Variants in ACSBG1 observed in about 807,000 individuals in gnomAD.
ACSBG1 encodes long-chain-fatty-acid--CoA ligase ACSBG1.
ACSBG1 carries 39 observed loss-of-function variants against 80.2 expected under a neutral mutation model. The observed-to-expected ratio is 0.49, with a 90% CI of 0.38 to 0.64. ACSBG1 has a LOEUF of 0.64. ACSBG1 is among the 30% of genes least tolerant of loss of function. The pLI is 0.00. For missense variants in ACSBG1, 828 were observed against 966.4 expected (o/e 0.86, Z 1.90); for synonymous variants, 392 against 379.5 (o/e 1.03, Z -0.38).
intron 5 of ACSBG1, among the ~76,000 whole-genome samples, chr15:78,186,689 T>G (rs1567083618): frequency 6.6e-6 from 1 of 151,304 alleles, no homozygotes; most frequent in Non-Finnish European, 1.5e-5. Context: ...TAGAGGGAAA[T>G]TTATAGCACT....
intron 1 of ACSBG1, chr15:78,209,267 G>T (rs1371864071): frequency 4.4e-6 from 2 of 456,076 alleles, no homozygotes; most frequent in South Asian, 3.1e-5. Context: ...AGGTTTTAAA[G>T]CGAAAGATAT....
At chr15:78,211,857 G>A (rs912043882) in intron 1 of ACSBG1, among the ~76,000 whole-genome samples, 3 of 152,148 alleles carry the variant, frequency 2.0e-5, no homozygotes, top group Admixed American at 2.0e-4. Context: ...TCTCACCCCT[G>A]TGGCCCTTGG....
chr15:78,173,125 C>T (rs1250445153), intron 13 of ACSBG1, among the ~76,000 whole-genome samples: 2 of 152,076 alleles, frequency 1.3e-5, no homozygotes, highest in African/African-American at 4.8e-5. Flanking sequence ...GCGGGCGGAT[C>T]ACCTGAGGTC....
chr15:78,174,264 G>A (rs1361946567), intron 12 of ACSBG1, 121 bp downstream of exon 12: 16 of 1,391,610 alleles, frequency 1.1e-5, no homozygotes, highest in Non-Finnish European at 1.5e-5. Context: ...ACGGACTTGA[G>A]TCATTCCAGA....
chr15:78,223,183 T>C (rs1336175860), intron 1 of ACSBG1, among the ~76,000 whole-genome samples: 1 of 151,462 alleles, frequency 6.6e-6, no homozygotes, highest in Non-Finnish European at 1.5e-5. Flanking sequence ...AGTCTGGCTA[T>C]CTTGAACGCG....
chr15:78,171,536 G>A lies in ACSBG1; in HGVS notation c.2090-7C>T. 1 of 1,613,406 alleles carries A rather than the reference G, an allele frequency of 6.2e-7. No homozygotes were observed. Among genetic ancestry groups the A allele is most frequent in the Non-Finnish European group, 8.5e-7 (1 of 1,179,364 alleles). ...TTCAGTTTCATCGTGGGACCTAAAA[G>A]GGAAATGAGAAGAAATGAGTGAGGC... is the stretch of plus-strand genomic sequence containing the variant. On this transcript the variant is annotated splice_region_variant and splice_polypyrimidine_tract_variant and intron_variant, in intron 13 of 13. Transcript: ENST00000258873.
rs201578767 is a variant in ACSBG1, at chr15:78,182,438, C to T, written c.894+28G>A. ...ATCCACCCATAACCCCCTTGCACCC[C>T]CCCCACCCCACCGGGCATCTGTCCT... On this transcript the variant is annotated intron_variant, in intron 7 of 13. Transcript: ENST00000258873. The T allele has an allele frequency of 3.9e-5, 63 of 1,612,006 alleles. No individual in the cohort carries two copies. In the East Asian group the frequency reaches 4.7e-4, roughly 12 times the overall value.
chr15:78,201,015 A>C (rs2075162706), intron 2 of ACSBG1, among the ~76,000 whole-genome samples: 1 of 150,780 alleles, frequency 6.6e-6, no homozygotes. Context: ...CTGTGCTGCG[A>C]CTCTGCCTGC....
intron 1 of ACSBG1, among the ~76,000 whole-genome samples, chr15:78,216,920 A>G (rs1362430858): frequency 6.6e-6 from 1 of 152,268 alleles, no homozygotes; most frequent in African/African-American, 2.4e-5. Context: ...GCCGTACCCA[A>G]GACAAAGTTC....
chr15:78,171,376 C>G lies in ACSBG1; in HGVS notation c.*68G>C. 1 of 1,373,510 alleles carries G rather than the reference C, an allele frequency of 7.3e-7. No homozygotes were observed. Among genetic ancestry groups the G allele is most frequent in the Non-Finnish European group, 1.0e-6 (1 of 971,376 alleles). The allele number at this position is 1,373,510 out of a possible 1,614,324, so 85.1% of individuals were successfully genotyped here. A position where few individuals can be genotyped will look rare whatever the true frequency, so the allele number is the denominator to read the frequency against. On this transcript the variant is annotated 3_prime_UTR_variant, in exon 14 of 14. Transcript: ENST00000258873. ...ATGCCTGTGCCCAGACTGAAGAGAC[C>G]TGGGGCTCAGGAAGAGGCTCGGAAC...
At chr15:78,226,603 T>A in intron 1 of ACSBG1, 1 of 198,524 alleles carries the variant, frequency 5.0e-6, no homozygotes, top group South Asian at 7.0e-5. Context: ...CAAGACTCCA[T>A]CTCTACAAAA....
intron 2 of ACSBG1, 79 bp downstream of exon 2, chr15:78,207,923 A>ACCCCCCCCCCCACCCCCCCCCCCCC: frequency 3.5e-6 from 1 of 284,792 alleles, no homozygotes; most frequent in Non-Finnish European, 7.2e-6. Flanking sequence ...GTGGTCCCCC[A>ACCCCCCCCCCCACCCCCCCCCCCCC]CACCACCCAC....
At chr15:78,215,774 G>GAA (rs1328907562) in intron 1 of ACSBG1, among the ~76,000 whole-genome samples, 9 of 146,604 alleles carry the variant, frequency 6.1e-5, no homozygotes, top group Non-Finnish European at 1.5e-5. Flanking sequence ...AAGAAAGAAA[G>GAA]AAAGAAAGAA....
rs570815021 is a variant in ACSBG1, at chr15:78,176,284, CT to C, written c.1703-1761del. Among the ~76,000 whole-genome samples, 30 of 152,240 alleles carry C rather than the reference CT, an allele frequency of 2.0e-4. 1 individual carries two copies. The highest frequency in any genetic ancestry group is 1.9e-3 in the Admixed American group (29 of 15,294). The stretch of plus-strand genomic sequence containing the variant: ...AAAACAAGGATGACCACTATCACCA[CT>C]TCTATTCAACACTGTCCTGGAGGTC... On this transcript the variant is annotated intron_variant, in intron 11 of 13. Transcript: ENST00000258873.
chr15:78,208,142 C>T (rs746732187), intron 1 of ACSBG1, 40 bp from the exon 2 acceptor site: 71 of 1,531,254 alleles, frequency 4.6e-5, no homozygotes, highest in East Asian at 3.4e-4. Context: ...TTCATTAGAA[C>T]GTGGGGGACC....
rs913745814 is a variant in ACSBG1 at position 78,182,213 on chromosome 15, C to T, written c.895-68G>A. On this transcript the variant is annotated intron_variant, in intron 7 of 13. Coordinates refer to ENST00000258873, the MANE Select transcript of ACSBG1 (RefSeq NM_015162.5). Reference sequence around the variant, plus strand: ...GCCCTGGCGGTGCTCACAACTGTGGCCACCCTGGGGGCCAGCCCCAGTGTG... The same window carrying T: ...GCCCTGGCGGTGCTCACAACTGTGGTCACCCTGGGGGCCAGCCCCAGTGTG... The T allele has an allele frequency of 1.7e-5, 27 of 1,557,236 alleles. No individual in the cohort carries two copies. In the Admixed American group the frequency reaches 2.3e-4, roughly 13 times the overall value.
chr15:78,187,928 A>C (rs1595886088), intron 5 of ACSBG1, among the ~76,000 whole-genome samples: 1 of 152,122 alleles, frequency 6.6e-6, no homozygotes, highest in East Asian at 1.9e-4. Context: ...AGAAAACCCC[A>C]TTGTCTCAGC....
intron 5 of ACSBG1, among the ~76,000 whole-genome samples, chr15:78,189,057 AAC>A (rs1390439753): frequency 1.3e-5 from 2 of 151,990 alleles, no homozygotes; most frequent in Non-Finnish European, 2.9e-5. Flanking sequence ...GCAGCCAAAA[AAC>A]ACATGAAAAA....
intron 9 of ACSBG1, among the ~76,000 whole-genome samples, chr15:78,180,294 C>T (rs2074928974): frequency 6.6e-6 from 1 of 152,172 alleles, no homozygotes; most frequent in African/African-American, 2.4e-5. Flanking sequence ...AAATTGAAAC[C>T]AAGCCAGCTT....
Sources: gnomAD v4.1 joint callset for allele counts (sites outside exome capture counted in the v4.1 genomes callset) on GRCh38, gnomAD v4.1.1 for gene constraint, MANE v1.5 for transcripts, NCBI Gene and HGNC (gene_info 2026-07-23, HGNC 2026-07-21) for gene names.